The following DOP1B variants were observed in gnomAD, a reference collection of about 807,000 sequenced individuals.
DOP1B encodes the protein protein DOP1B.
A neutral mutation model predicts 233.5 loss-of-function variants in DOP1B; 174 were observed. That is an observed-to-expected ratio of 0.75 (90% CI 0.66 to 0.85). The LOEUF is 0.85. DOP1B is among the 40% of genes least tolerant of loss of function. The probability of loss-of-function intolerance (pLI) is 0.00; values close to 1 mark genes in which losing one functional copy is unlikely to be tolerated. For synonymous variants in DOP1B, 1,190 were observed against 1,185.6 expected, an observed-to-expected ratio of 1.00 and a Z score of -0.08; for missense variants, 2,652 against 2,846.6, an observed-to-expected ratio of 0.93 and a Z score of 1.56.
intron 12 of DOP1B, among the ~76,000 whole-genome samples, chr21:36,226,727 G>C (rs1039554918): frequency 5.9e-5 from 9 of 152,128 alleles, no homozygotes; most frequent in African/African-American, 2.2e-4. Context: ...CCAAGTGTCT[G>C]AGACCACAGG....
At chr21:36,273,628 C>T (rs552677087) in intron 27 of DOP1B, among the ~76,000 whole-genome samples, 1 of 152,242 alleles carries the variant, frequency 6.6e-6, no homozygotes, top group East Asian at 1.9e-4. Flanking sequence ...TCTGGGAAGG[C>T]ACTGCCCCGA....
chr21:36,230,421 C>A (rs758187812), intron 13 of DOP1B, 29 bp from the exon 14 acceptor site: 67 of 1,577,938 alleles, frequency 4.2e-5, no homozygotes, highest in Non-Finnish European at 5.5e-5. Flanking sequence ...TTAAGAGATG[C>A]ACAATTCACA....
Position 36,277,089 on chromosome 21 carries a change from C to T in DOP1B, c.5701C>T (p.Leu1901Phe). Reference protein sequence around the residue: ...PSVYSVQALSLLAEVLASLLD... With the variant: ...PSVYSVQALSFLAEVLASLLD... ...GGTGTACAGCGTGCAAGCCCTCTCTCTCCTGGCAGAGGTAAATACACACCT... is the reference window on the plus strand; with the variant it reads ...GGTGTACAGCGTGCAAGCCCTCTCTTTCCTGGCAGAGGTAAATACACACCT... Residue 1901 changes from leucine to phenylalanine, a missense_variant, in exon 28 of 37, where the codon CTC becomes TTC. Physicochemically the swap from Leu to Phe is conservative, Grantham distance 22. Around this residue, in one of 3 missense-constraint regions of DOP1B, gnomAD observed 2,617 missense variants for 2,794.3 expected, o/e 0.94. Coordinates refer to ENST00000691173, the MANE Select transcript of DOP1B (RefSeq NM_001320714.2). 6.2e-7 allele frequency: 1 copy of T among 1,614,092 alleles called. No homozygotes were observed. Among genetic ancestry groups the T allele is most frequent in the Non-Finnish European group, 8.5e-7 (1 of 1,179,998 alleles).
Position 36,277,036 on chromosome 21 carries a change from C to T in DOP1B, c.5648C>T (p.Ser1883Leu). Residue 1883 changes from serine (S) to leucine (L), a missense_variant, in exon 28 of 37, where the codon TCA becomes TTA. By Grantham distance (145) the Ser-to-Leu change is moderately radical. This residue lies in a region of DOP1B where 2,617 missense variants were observed against 2,794.3 expected (regional missense o/e 0.94). Transcript: ENST00000691173. ...CTGTTCACAGATGCTGCTGCAGCTT[C>T]AGCAATGGTGTCTTCATCCGCCCCG... is the stretch of plus-strand genomic sequence containing the variant. ...EEDLYDAAAA[S>L]AMVSSSAPSV... 6.2e-7 allele frequency: 1 copy of T among 1,614,114 alleles called. No individual in the cohort carries two copies. The highest frequency in any genetic ancestry group is 8.5e-7 in the Non-Finnish European group (1 of 1,180,028).
chr21:36,186,204 C>CAAAA (rs397730267), intron 2 of DOP1B, among the ~76,000 whole-genome samples: 1 of 143,566 alleles, frequency 7.0e-6, no homozygotes. Context: ...CTTCGTCTCA[C>CAAAA]AAAAAAAAAA....
In DOP1B at chr21:36,199,070, G is replaced by A; in HGVS notation, c.139G>A (p.Ala47Thr). The A allele has an allele frequency of 6.2e-7, 1 of 1,605,476 alleles. No homozygotes were observed. The highest frequency in any genetic ancestry group is 8.5e-7 in the Non-Finnish European group (1 of 1,177,396). ...GTGTTTTTTTTGTCTTGTTTGACAG[G>A]CTCTTCAGAGTAACCTGAGGTACTC... ...LISSLGKLNKALQSNLRYSLL... is the reference protein window; with the variant it reads ...LISSLGKLNKTLQSNLRYSLL... The change falls in exon 3 of 37, where the codon GCT becomes ACT. Residue 47 changes from alanine to threonine, a missense_variant and splice_region_variant. Physicochemically the swap from Ala to Thr is moderately conservative, Grantham distance 58. Around this residue, in one of 3 missense-constraint regions of DOP1B, gnomAD observed 2,617 missense variants for 2,794.3 expected, o/e 0.94. Transcript: ENST00000691173.
At chr21:36,244,235 T>C (rs2123585829) in intron 18 of DOP1B, among the ~76,000 whole-genome samples, 3 of 151,992 alleles carry the variant, frequency 2.0e-5, no homozygotes. Flanking sequence ...TTGGCCAGGC[T>C]GGTCTCAAAC....
intron 2 of DOP1B, among the ~76,000 whole-genome samples, chr21:36,182,474 G>GT (rs2066111188): frequency 6.6e-6 from 1 of 152,096 alleles, no homozygotes; most frequent in Non-Finnish European, 1.5e-5. Flanking sequence ...TTCTGGAAAG[G>GT]TTTTTTTCTC....
At chr21:36,182,645 A>G (rs885875) in intron 2 of DOP1B, among the ~76,000 whole-genome samples, 87,131 of 151,646 alleles carry the variant, frequency 0.57, 25,366 homozygotes, top group African/African-American at 0.69. Context: ...CCTGAGCAAC[A>G]TAGCCAGACC....
chr21:36,171,974 G>C (rs189333961), intron 2 of DOP1B, among the ~76,000 whole-genome samples: 2 of 152,202 alleles, frequency 1.3e-5, no homozygotes, highest in African/African-American at 4.8e-5. Context: ...CTGGGGAAGT[G>C]GGGTATGGAG....
At chr21:36,159,459 A>T (rs2065850961) in intron 1 of DOP1B, among the ~76,000 whole-genome samples, 1 of 152,232 alleles carries the variant, frequency 6.6e-6, no homozygotes, top group African/African-American at 2.4e-5. Context: ...CTCAAAAAAA[A>T]AGAAGAAAAA....
intron 23 of DOP1B, among the ~76,000 whole-genome samples, chr21:36,257,722 GTAGGTAGA>G (rs1367409624): frequency 6.6e-6 from 1 of 150,698 alleles, no homozygotes; most frequent in African/African-American, 2.4e-5. Context: ...AGGTAGGTAG[GTAGGTAGA>G]TAGATGTAGG....
intron 26 of DOP1B, among the ~76,000 whole-genome samples, chr21:36,269,459 A>C (rs2067262999): frequency 6.6e-6 from 1 of 151,788 alleles, no homozygotes; most frequent in Non-Finnish European, 1.5e-5. Flanking sequence ...CTAGCGTATT[A>C]ATAATTTTTA....
chr21:36,182,884 CT>C (rs1468594563), intron 2 of DOP1B, among the ~76,000 whole-genome samples: 2 of 152,186 alleles, frequency 1.3e-5, no homozygotes, highest in African/African-American at 4.8e-5. Context: ...ATGCTTGGAT[CT>C]TTTGGGGATG....
rs759940346 is a variant in DOP1B, at chr21:36,269,096, A to G, written c.5488-917A>G. 2.6e-4 allele frequency among the ~76,000 whole-genome samples: 40 copies of G among 152,324 alleles called. 1 individual carries two copies. Among genetic ancestry groups the G allele is most frequent in the Middle Eastern group, 6.8e-3 (2 of 292 alleles). On this transcript the variant is annotated intron_variant, in intron 26 of 36. Transcript: ENST00000691173. ...AATGCACTGTAAGTGCAAAACACAC[A>G]TTGGATTTCAGACTTAGGGCACACA... is the stretch of plus-strand genomic sequence containing the variant.
intron 2 of DOP1B, among the ~76,000 whole-genome samples, chr21:36,166,769 G>A (rs1323870518): frequency 6.6e-6 from 1 of 152,158 alleles, no homozygotes; most frequent in Non-Finnish European, 1.5e-5. Flanking sequence ...GGGAACTGGG[G>A]TGAGTGAAGA....
At chr21:36,207,499 G>GTTTTTTTT (rs1164791099) in intron 4 of DOP1B, among the ~76,000 whole-genome samples, 1 of 89,628 alleles carries the variant, frequency 1.1e-5, no homozygotes, top group Non-Finnish European at 2.2e-5. Flanking sequence ...AGTTTTTTTT[G>GTTTTTTTT]TTTTTTTTTT....
chr21:36,173,458 G>C (rs1175082283), intron 2 of DOP1B, among the ~76,000 whole-genome samples: 2 of 137,984 alleles, frequency 1.4e-5, no homozygotes, highest in Admixed American at 1.6e-4. Context: ...GTCTTGCTCT[G>C]TCGCCCAGGC....
intron 23 of DOP1B, among the ~76,000 whole-genome samples, chr21:36,258,023 A>G (rs1386916178): frequency 2.0e-5 from 3 of 151,944 alleles, no homozygotes; most frequent in African/African-American, 4.8e-5. Context: ...AGGTAGAGAG[A>G]TAGATGTAGT....
Sources: allele counts gnomAD v4.1 joint callset (sites outside exome capture counted in the v4.1 genomes callset), GRCh38; gene constraint gnomAD v4.1.1; regional missense constraint gnomAD v4.1.1; transcripts MANE v1.5; gene names NCBI Gene and HGNC (gene_info 2026-07-23, HGNC 2026-07-21).